CTIF: variants seen among roughly 807,000 people sequenced by gnomAD.
The protein encoded by CTIF is cap binding complex dependent translation initiation factor.
Under a neutral mutation model 66.0 loss-of-function variants are expected in CTIF, and 21 were observed. The observed-to-expected ratio is 0.32, with a 90% CI of 0.23 to 0.46. CTIF has a LOEUF of 0.46. CTIF is among the 20% of genes least tolerant of loss of function. CTIF has a pLI of 1.00. For missense variants in CTIF, 739 were observed against 812.7 expected, an observed-to-expected ratio of 0.91 and a Z score of 1.10; for synonymous variants, 345 against 326.4, an observed-to-expected ratio of 1.06 and a Z score of -0.62.
chr18:48,604,836 T>C (rs2090174074), intron 1 of CTIF, among the ~76,000 whole-genome samples: 2 of 152,234 alleles, frequency 1.3e-5, no homozygotes, highest in African/African-American at 4.8e-5. Context: ...TTTGTCTCTC[T>C]AGATGTGTCT....
At chr18:48,832,189 T>TTTTTTTTTTA (rs1289637754) in intron 10 of CTIF, among the ~76,000 whole-genome samples, 1 of 150,074 alleles carries the variant, frequency 6.7e-6, no homozygotes, top group African/African-American at 2.5e-5. Context: ...TTTTTTTTTT[T>TTTTTTTTTTA]AAGACAGGGT....
chr18:48,847,428 A>ATTTCCAC (rs2069106128), intron 10 of CTIF, among the ~76,000 whole-genome samples: 1 of 152,054 alleles, frequency 6.6e-6, no homozygotes, highest in Non-Finnish European at 1.5e-5. Flanking sequence ...AGCACCTTCC[A>ATTTCCAC]TTTCCACTTA....
chr18:48,773,767 G>C (rs1379517926), intron 9 of CTIF, among the ~76,000 whole-genome samples: 1 of 151,816 alleles, frequency 6.6e-6, no homozygotes, highest in Non-Finnish European at 1.5e-5. Flanking sequence ...CCATGCTGCT[G>C]TGGGCTTATC....
chr18:48,699,441 C>CTGGGGCT (rs2092052707), intron 6 of CTIF, among the ~76,000 whole-genome samples: 1 of 129,290 alleles, frequency 7.7e-6, no homozygotes, highest in African/African-American at 3.1e-5. Context: ...GGGCTGGAGC[C>CTGGGGCT]GGGTGGTGCA....
At chr18:48,630,302 G>A (rs2090679968) in intron 2 of CTIF, among the ~76,000 whole-genome samples, 1 of 152,086 alleles carries the variant, frequency 6.6e-6, no homozygotes, top group South Asian at 2.1e-4. Context: ...GGGTTGGGGG[G>A]GTGGGCGACT....
chr18:48,730,763 CCCCACGATGAA>C (rs2092449646), intron 7 of CTIF, among the ~76,000 whole-genome samples: 1 of 131,718 alleles, frequency 7.6e-6, no homozygotes, highest in Non-Finnish European at 1.6e-5. Flanking sequence ...CTTGAGGGGC[CCCCACGATGAA>C]CGCAGTGTGA....
chr18:48,807,857 C>T (rs552461221), intron 9 of CTIF, among the ~76,000 whole-genome samples: 1 of 152,312 alleles, frequency 6.6e-6, no homozygotes, highest in South Asian at 2.1e-4. Flanking sequence ...GATGGGATTA[C>T]AGACGTGAGC....
intron 10 of CTIF, among the ~76,000 whole-genome samples, chr18:48,821,247 G>C (rs184792400): frequency 6.6e-6 from 1 of 152,220 alleles, no homozygotes; most frequent in East Asian, 1.9e-4. Context: ...GCCTCTTCAC[G>C]TTGCCTTGTA....
At chr18:48,747,244 A>G (rs1907309269) in intron 7 of CTIF, among the ~76,000 whole-genome samples, 1 of 152,222 alleles carries the variant, frequency 6.6e-6, no homozygotes, top group African/African-American at 2.4e-5. Context: ...TCAAGAATAA[A>G]CTATGATGGA....
At chr18:48,639,759 C>T (rs570188955) in intron 3 of CTIF, among the ~76,000 whole-genome samples, 7 of 152,290 alleles carry the variant, frequency 4.6e-5, no homozygotes, top group South Asian at 2.1e-4. Context: ...GTGTGGGGGC[C>T]GGATCCTTGC....
intron 1 of CTIF, among the ~76,000 whole-genome samples, chr18:48,563,774 G>A (rs779817020): frequency 6.6e-6 from 1 of 152,148 alleles, no homozygotes; most frequent in Non-Finnish European, 1.5e-5. Flanking sequence ...GCCTGGCCCT[G>A]TTCTAAGGTT....
chr18:48,725,813 T>A (rs568496423), intron 7 of CTIF, among the ~76,000 whole-genome samples: 1 of 152,140 alleles, frequency 6.6e-6, no homozygotes, highest in Non-Finnish European at 1.5e-5. Context: ...TCAAGGCAGA[T>A]TTTTTTGCTC....
rs191117387 is a variant in CTIF at position 48,817,238 on chromosome 18, C to T, written c.1389C>T (p.Arg463=). The T allele has an allele frequency of 2.5e-5, 41 of 1,613,782 alleles. No homozygotes were observed. Among genetic ancestry groups the T allele is most frequent in the Non-Finnish European group, 3.2e-5 (38 of 1,179,900 alleles). The change falls in exon 10 of 12, where the codon CGC becomes CGT. Residue 463 remains arginine, a synonymous_variant. Coordinates refer to ENST00000256413, the MANE Select transcript of CTIF (RefSeq NM_014772.3). The stretch of plus-strand genomic sequence containing the variant: ...CTCCACAGAAGGACTTCACGGTGCG[C>T]GAGGAGCTGCAGCAGCAGGACGTGG... ...LNMLQKDFTV[R]EELQQQDVER... is the part of the protein sequence containing the mutation.
intron 10 of CTIF, among the ~76,000 whole-genome samples, chr18:48,842,697 C>A (rs971334120): frequency 1.3e-5 from 2 of 152,266 alleles, no homozygotes; most frequent in African/African-American, 4.8e-5. Flanking sequence ...TTTGAATTTC[C>A]TGGCTCTGGG....
intron 1 of CTIF, among the ~76,000 whole-genome samples, chr18:48,601,551 T>C (rs1215214786): frequency 6.6e-6 from 1 of 152,220 alleles, no homozygotes; most frequent in Non-Finnish European, 1.5e-5. Context: ...TATTATTGAA[T>C]GACAGCCTGG....
chr18:48,560,305 C>A (rs1187225225), intron 1 of CTIF, among the ~76,000 whole-genome samples: 1 of 150,788 alleles, frequency 6.6e-6, no homozygotes, highest in Non-Finnish European at 1.5e-5. Flanking sequence ...CGGCTCACTG[C>A]AAGCTCGCCT....
intron 6 of CTIF, among the ~76,000 whole-genome samples, chr18:48,695,307 A>G (rs1375883935): frequency 1.3e-5 from 2 of 152,210 alleles, no homozygotes; most frequent in African/African-American, 2.4e-5. Flanking sequence ...CACTCCATCA[A>G]TCAGCATTTG....
In CTIF at chr18:48,852,574, G is replaced by A. The variant is rs1271676138; in HGVS notation, c.1528-5014G>A. Among the ~76,000 whole-genome samples, 4 of 152,330 alleles carry A rather than the reference G, an allele frequency of 2.6e-5. No homozygotes were observed. In the East Asian group the frequency reaches 7.7e-4, roughly 29 times the overall value. On this transcript the variant is annotated intron_variant, in intron 10 of 11. Coordinates refer to ENST00000256413, the MANE Select transcript of CTIF (RefSeq NM_014772.3). ...CAAGAAAGTCCCCCAGGCACTGACTGGTGGAAGCCTCCCTTGGCTCTCCTT... is the reference window on the plus strand; with the variant it reads ...CAAGAAAGTCCCCCAGGCACTGACTAGTGGAAGCCTCCCTTGGCTCTCCTT...
At chr18:48,595,774 C>T (rs529954912) in intron 1 of CTIF, among the ~76,000 whole-genome samples, 9 of 152,216 alleles carry the variant, frequency 5.9e-5, no homozygotes, top group African/African-American at 1.9e-4. Context: ...TAGCTGAATC[C>T]CTTGCTCTGG....
Sources: gnomAD v4.1 joint callset for allele counts (sites outside exome capture counted in the v4.1 genomes callset) on GRCh38, gnomAD v4.1.1 for gene constraint, MANE v1.5 for transcripts, NCBI Gene and HGNC (gene_info 2026-07-23, HGNC 2026-07-21) for gene names.